MINDY4: variants seen among roughly 807,000 people sequenced by gnomAD.
MINDY4 encodes MINDY lysine 48 deubiquitinase 4, also known as probable ubiquitin carboxyl-terminal hydrolase MINDY-4.
MINDY4 carries 68 observed loss-of-function variants against 87.0 expected under a neutral mutation model. That is an observed-to-expected ratio of 0.78 (90% confidence interval 0.64 to 0.96). The LOEUF is 0.96. Among genes scored for constraint, MINDY4 ranks in the 40% least tolerant of loss-of-function variants. The probability of loss-of-function intolerance (pLI) is 0.00; values close to 1 mark genes in which losing one functional copy is unlikely to be tolerated. For missense variants in MINDY4, 919 were observed against 928.2 expected (o/e 0.99, Z 0.13); for synonymous variants, 379 against 363.2 (o/e 1.04, Z -0.50).
chr7:30,786,989 G>A (rs568122154), intron 4 of MINDY4, among the ~76,000 whole-genome samples: 7 of 152,220 alleles, frequency 4.6e-5, no homozygotes, highest in Non-Finnish European at 8.8e-5. Flanking sequence ...GTCCACCTGC[G>A]CTCTCACTTA....
chr7:30,826,784 T>C (rs1261127213), intron 5 of MINDY4, among the ~76,000 whole-genome samples: 1 of 152,244 alleles, frequency 6.6e-6, no homozygotes, highest in South Asian at 2.1e-4. Flanking sequence ...GTGAAATAAG[T>C]GCTTCATAAA....
At chr7:30,803,763 T>C (rs1226254565) in intron 5 of MINDY4, among the ~76,000 whole-genome samples, 1 of 152,230 alleles carries the variant, frequency 6.6e-6, no homozygotes, top group Non-Finnish European at 1.5e-5. Flanking sequence ...AGCTCTCTTG[T>C]TCTTCCCCAG....
chr7:30,831,033 G>T (rs1788685417), intron 6 of MINDY4, among the ~76,000 whole-genome samples: 1 of 152,148 alleles, frequency 6.6e-6, no homozygotes, highest in Admixed American at 6.5e-5. Flanking sequence ...GATACCTAGG[G>T]CTGCGCATTT....
At chr7:30,830,667 A>G (rs1262486692) in intron 6 of MINDY4, among the ~76,000 whole-genome samples, 1 of 152,162 alleles carries the variant, frequency 6.6e-6, no homozygotes, top group African/African-American at 2.4e-5. Context: ...ATTACCTCCC[A>G]TCAGTTCCCT....
chr7:30,822,237 G>T (rs1354621862), intron 5 of MINDY4, among the ~76,000 whole-genome samples: 1 of 151,826 alleles, frequency 6.6e-6, no homozygotes, highest in African/African-American at 2.4e-5. Context: ...GAGTGCAGTG[G>T]TGTGATCTTG....
Position 30,798,750 on chromosome 7 carries a change from G to A in MINDY4, c.1073+7176G>A, listed in dbSNP as rs185099164. On this transcript the variant is annotated intron_variant, in intron 5 of 17. Transcript: ENST00000265299. ...CTTGACCTTGTGATCCGCCCGCCTC[G>A]GCCTCTCAAAGTGCTGGGATTACAG... 1.1e-4 allele frequency among the ~76,000 whole-genome samples: 16 copies of A among 152,184 alleles called. No homozygotes were observed. The East Asian group carries it at 1.6e-3, about 15-fold the overall frequency.
intron 6 of MINDY4, among the ~76,000 whole-genome samples, chr7:30,835,936 CAATATCTGGA>C (rs1788844792): frequency 6.6e-6 from 1 of 152,230 alleles, no homozygotes; most frequent in African/African-American, 2.4e-5. Flanking sequence ...TATGAGAAAA[CAATATCTGGA>C]ATATGGCTTA....
intron 14 of MINDY4, among the ~76,000 whole-genome samples, chr7:30,874,587 T>G (rs902445085): frequency 2.0e-5 from 3 of 152,220 alleles, no homozygotes; most frequent in Non-Finnish European, 4.4e-5. Flanking sequence ...GTTCCAGGGT[T>G]GGCATGCTTG....
chr7:30,840,678 G>A, intron 8 of MINDY4, 82 bp from the exon 9 acceptor site: 1 of 1,178,124 alleles, frequency 8.5e-7, no homozygotes, highest in Non-Finnish European at 1.2e-6. Context: ...CTATCAGGTG[G>A]GTTCTGGGGT....
chr7:30,817,081 A>G (rs1788173310), intron 5 of MINDY4, among the ~76,000 whole-genome samples: 3 of 152,296 alleles, frequency 2.0e-5, no homozygotes, highest in South Asian at 4.1e-4. Context: ...TCCAGTGGCC[A>G]AGGGAGGTAG....
chr7:30,781,633 G>GAT (rs758832862), intron 2 of MINDY4: 1 of 227,368 alleles, frequency 4.4e-6, no homozygotes, highest in Admixed American at 5.2e-5. Flanking sequence ...TAAATGAAGG[G>GAT]ATATATATTT....
intron 5 of MINDY4, among the ~76,000 whole-genome samples, chr7:30,813,372 C>T (rs187874992): frequency 2.6e-4 from 39 of 152,300 alleles, no homozygotes; most frequent in African/African-American, 8.4e-4. Flanking sequence ...CTGTGTGAGG[C>T]GGGCCTTGTG....
chr7:30,882,174 C>A lies in MINDY4; in HGVS notation c.1972-7C>A. 1 of 1,601,762 alleles carries A rather than the reference C, an allele frequency of 6.2e-7. No individual in the cohort carries two copies. The highest frequency in any genetic ancestry group is 8.5e-7 in the Non-Finnish European group (1 of 1,171,202). ...GGCATTTCACATCAGGCCTCTCCCT[C>A]ATCCAGGTTGGCTGCTTCCTGAAGA... On this transcript the variant is annotated splice_polypyrimidine_tract_variant and splice_region_variant and intron_variant, in intron 15 of 17. Transcript: ENST00000265299.
At chr7:30,832,151 G>C (rs942779513) in intron 6 of MINDY4, among the ~76,000 whole-genome samples, 1 of 152,176 alleles carries the variant, frequency 6.6e-6, no homozygotes, top group African/African-American at 2.4e-5. Context: ...CTCCATTGGC[G>C]TCTGCTTTTC....
chr7:30,875,736 C>T, intron 15 of MINDY4, 80 bp downstream of exon 15: 1 of 1,451,684 alleles, frequency 6.9e-7, no homozygotes, highest in Non-Finnish European at 9.3e-7. Flanking sequence ...GGAAGGAAAG[C>T]TGGACTCCAC....
At chr7:30,779,843 G>A (rs1786954323) in intron 2 of MINDY4, 1 of 152,168 alleles carries the variant, frequency 6.6e-6, no homozygotes, top group Non-Finnish European at 1.5e-5. Context: ...ATGGTGGTAG[G>A]ACCAAGGCTA....
intron 6 of MINDY4, 137 bp downstream of exon 6, chr7:30,828,874 A>C (rs1010997471): frequency 6.8e-6 from 5 of 732,530 alleles, no homozygotes; most frequent in Admixed American, 6.6e-5. Flanking sequence ...AAGTGAGTAG[A>C]GTAGACTACT....
At chr7:30,859,619 CAG>C (rs142455059) in intron 13 of MINDY4, among the ~76,000 whole-genome samples, 5,753 of 152,316 alleles carry the variant, frequency 0.038, 143 homozygotes, top group Middle Eastern at 0.092. Flanking sequence ...CTTGAGCACT[CAG>C]GGGGATGCCC....
chr7:30,859,525 A>G (rs1429625919), intron 13 of MINDY4, among the ~76,000 whole-genome samples: 1 of 152,210 alleles, frequency 6.6e-6, no homozygotes, highest in African/African-American at 2.4e-5. Flanking sequence ...ACACGTGTCC[A>G]GGGCTACCAT....
Sources: gnomAD v4.1 joint callset for allele counts (sites outside exome capture counted in the v4.1 genomes callset) on GRCh38, gnomAD v4.1.1 for gene constraint, MANE v1.5 for transcripts, NCBI Gene and HGNC (gene_info 2026-07-23, HGNC 2026-07-21) for gene names.